Variants in DSCAML1 observed in about 807,000 individuals in gnomAD.
DSCAML1 encodes the protein cell adhesion molecule DSCAML1.
In DSCAML1, 38 loss-of-function variants were observed where a neutral mutation model predicts 200.5. That is an observed-to-expected ratio of 0.19 (90% CI 0.15 to 0.25). The LOEUF (loss-of-function observed/expected upper bound fraction) is 0.25. DSCAML1 is among the 10% of genes least tolerant of loss of function. DSCAML1 has a pLI of 1.00. For synonymous variants in DSCAML1, 1,215 were observed against 1,165.0 expected (o/e 1.04, Z -0.87); for missense variants, 2,223 against 2,858.8 (o/e 0.78, Z 5.07).
chr11:117,495,554 G>A (rs567502824), intron 11 of DSCAML1, among the ~76,000 whole-genome samples: 1 of 152,238 alleles, frequency 6.6e-6, no homozygotes, highest in African/African-American at 2.4e-5. Context: ...CGAGTCATGA[G>A]TCACTTTAGC....
At chr11:117,810,828 T>C (rs2055754743) in intron 1 of DSCAML1, among the ~76,000 whole-genome samples, 1 of 152,190 alleles carries the variant, frequency 6.6e-6, no homozygotes, top group African/African-American at 2.4e-5. Flanking sequence ...CATCAGTCCC[T>C]TCCTAGTCTC....
intron 31 of DSCAML1, 64 bp downstream of exon 31, chr11:117,431,470 G>A: frequency 2.1e-6 from 3 of 1,421,512 alleles, no homozygotes; most frequent in Non-Finnish European, 2.8e-6. Flanking sequence ...AGAATAGAAG[G>A]TGAAGGTGAA....
At position 117,471,855 on chromosome 11, in the gene DSCAML1, G is replaced by A; in HGVS notation, c.2953+14C>T. 6.6e-7 allele frequency: 1 copy of A among 1,507,106 alleles called. No individual in the cohort carries two copies. The highest frequency in any genetic ancestry group is 1.3e-5 in the South Asian group (1 of 76,664). The allele number at this position is 1,507,106 out of a possible 1,614,324, so 93.4% of individuals were successfully genotyped here. On this transcript the variant is annotated intron_variant, in intron 15 of 32. Transcript: ENST00000651296. ...CTGAGGCCATGGGCAGGGCAGGCTG[G>A]GTGAGGTGCTCACCGGCCTCCTCAG... is the stretch of plus-strand genomic sequence containing the variant.
rs1263773609 is a variant in DSCAML1, at chr11:117,489,209, G to A, written c.2360-7047C>T. The stretch of plus-strand genomic sequence containing the variant: ...GTCACCAAAAAGCTGTGGCCTCTGC[G>A]GCGGGGCAGCTGCAGCAGGTACTCC... On this transcript the variant is annotated intron_variant, in intron 11 of 32. Transcript: ENST00000651296. The surrounding 1 kb of genome is among the most constrained non-coding windows in gnomAD (Gnocchi z 4.8). Among the ~76,000 whole-genome samples the A allele has an allele frequency of 2.0e-5, 3 of 152,190 alleles. No homozygotes were observed. The highest frequency in any genetic ancestry group is 2.4e-5 in the African/African-American group (1 of 41,426).
rs2050100413 is a variant in DSCAML1 at position 117,532,457 on chromosome 11, G to C, written c.577C>G (p.Leu193Val). 6.2e-7 allele frequency: 1 copy of C among 1,614,208 alleles called. No homozygotes were observed. The highest frequency in any genetic ancestry group is 8.5e-7 in the Non-Finnish European group (1 of 1,180,044). The change falls in exon 4 of 33, where the codon CTC (leucine) becomes GTC (valine). Residue 193 changes from leucine to valine, a missense_variant. By Grantham distance (32) the Leu-to-Val change is conservative. Coordinates refer to ENST00000651296, the MANE Select transcript of DSCAML1 (RefSeq NM_020693.4). ...YISDVQKEDA[L>V]STYRCITKHK... The stretch of plus-strand genomic sequence containing the variant: ...TTGGTGATGCAGCGATAGGTGGAGA[G>C]GGCGTCCTCCTTCTGTACGTCAGAG...
rs2050367538 is a variant in DSCAML1 at position 117,546,033 on chromosome 11, AC to A, written c.512-13512del. ...TCGGCTATGCGAACTTGTGCGAGGC[AC>A]GCAGAGCCAGAAGCTTTGGCCTGCC... On this transcript the variant is annotated intron_variant, in intron 3 of 32. Coordinates refer to ENST00000651296, the MANE Select transcript of DSCAML1 (RefSeq NM_020693.4). Among the ~76,000 whole-genome samples, 10 of 152,362 alleles carry A rather than the reference AC, an allele frequency of 6.6e-5. No individual in the cohort carries two copies. In the South Asian group the frequency reaches 2.1e-3, roughly 32 times the overall value.
chr11:117,443,253 T>C (rs2048106349), intron 21 of DSCAML1, among the ~76,000 whole-genome samples: 1 of 152,152 alleles, frequency 6.6e-6, no homozygotes, highest in Non-Finnish European at 1.5e-5. Context: ...GCGCGGCTGC[T>C]ACAGCTTGCC....
At chr11:117,728,481 G>A (rs1380978749) in intron 3 of DSCAML1, among the ~76,000 whole-genome samples, 1 of 152,108 alleles carries the variant, frequency 6.6e-6, no homozygotes, top group Non-Finnish European at 1.5e-5. Context: ...AGATTGAAAA[G>A]GAAGAAGTAA....
At chr11:117,529,581 C>T (rs1374906012) in intron 4 of DSCAML1, among the ~76,000 whole-genome samples, 2 of 152,142 alleles carry the variant, frequency 1.3e-5, no homozygotes, top group Admixed American at 6.5e-5. Context: ...TTATCTCTCC[C>T]CACCCCCAGC....
At chr11:117,612,338 A>G (rs1297800070) in intron 3 of DSCAML1, among the ~76,000 whole-genome samples, 1 of 152,202 alleles carries the variant, frequency 6.6e-6, no homozygotes, top group Admixed American at 6.5e-5. Flanking sequence ...TCATCAGACA[A>G]GTCAGATGTT....
At chr11:117,442,631 G>C (rs2048092021) in intron 21 of DSCAML1, among the ~76,000 whole-genome samples, 1 of 152,128 alleles carries the variant, frequency 6.6e-6, no homozygotes, top group African/African-American at 2.4e-5. Context: ...CTCTAGGACC[G>C]TGTTTATTTA....
intron 16 of DSCAML1, among the ~76,000 whole-genome samples, chr11:117,466,515 C>T (rs1346589209): frequency 1.3e-5 from 2 of 152,148 alleles, no homozygotes; most frequent in Non-Finnish European, 2.9e-5. Context: ...GTCTGGCCAA[C>T]ATGGTGAAAC....
chr11:117,808,410 C>T (rs2055726863), intron 1 of DSCAML1, among the ~76,000 whole-genome samples: 1 of 152,118 alleles, frequency 6.6e-6, no homozygotes, highest in Non-Finnish European at 1.5e-5. Context: ...GGCGCATGCC[C>T]GAAGCCCCTG....
chr11:117,623,805 G>C (rs2137555927), intron 3 of DSCAML1, among the ~76,000 whole-genome samples: 1 of 152,278 alleles, frequency 6.6e-6, no homozygotes, highest in East Asian at 1.9e-4. Flanking sequence ...CAATAGACGA[G>C]GTAGCCCAAG....
At chr11:117,672,618 A>G in intron 3 of DSCAML1, among the ~76,000 whole-genome samples, 1 of 152,188 alleles carries the variant, frequency 6.6e-6, no homozygotes, top group East Asian at 1.9e-4. Context: ...GGGCGAGCCT[A>G]TGAGTGGGCA....
intron 3 of DSCAML1, among the ~76,000 whole-genome samples, chr11:117,532,849 G>T (rs1486079592): frequency 6.6e-6 from 1 of 152,098 alleles, no homozygotes; most frequent in Non-Finnish European, 1.5e-5. Context: ...ATGGGGCCAG[G>T]TGTGGTGGCT....
Position 117,475,097 on chromosome 11 carries a change from C to G in DSCAML1, c.2786-3061G>C, listed in dbSNP as rs1260459999. On this transcript the variant is annotated intron_variant, in intron 14 of 32. Coordinates refer to ENST00000651296, the MANE Select transcript of DSCAML1 (RefSeq NM_020693.4). ...TCCTTCCGCTTCCCTCCATCCCCAT[C>G]TCTACCTCAGGCTTAGCCACTGTCA... is the stretch of plus-strand genomic sequence containing the variant. Among the ~76,000 whole-genome samples, 4 of 152,102 alleles carry G rather than the reference C, an allele frequency of 2.6e-5. No homozygotes were observed. The East Asian group carries it at 7.7e-4, about 29-fold the overall frequency.
In DSCAML1 at chr11:117,619,204, G is replaced by A. The variant is rs79987854; in HGVS notation, c.512-86682C>T. Among the ~76,000 whole-genome samples, 1,143 of 152,360 alleles carry A rather than the reference G, an allele frequency of 7.5e-3. 9 individuals are homozygous for A. Among genetic ancestry groups the A allele is most frequent in the African/African-American group, 0.023 (950 of 41,584 alleles). On this transcript the variant is annotated intron_variant, in intron 3 of 32. Coordinates refer to ENST00000651296, the MANE Select transcript of DSCAML1 (RefSeq NM_020693.4). The stretch of plus-strand genomic sequence containing the variant: ...AGTGACTCTACTCCAGCCCCTGGTG[G>A]CTGGTCTCAGGCTTTCTCTATCCAA...
In DSCAML1 at chr11:117,437,175, C is replaced by G. The variant is rs1056232563; in HGVS notation, c.4667G>C (p.Ser1556Thr). 1 of 1,614,224 alleles carries G rather than the reference C, an allele frequency of 6.2e-7. No individual in the cohort carries two copies. The highest frequency in any genetic ancestry group is 1.7e-5 in the Admixed American group (1 of 60,030). ...GGCTGTTTCATTGCCGCAGCCCGCA[C>G]TGTTGCAAGCCCTCATGCGCAGCTC... is the stretch of plus-strand genomic sequence containing the variant. Reference protein sequence around the residue: ...WYELRMRACNSAGCGNETAQF... With the variant: ...WYELRMRACNTAGCGNETAQF... The change falls in exon 26 of 33, where the codon AGT becomes ACT. Residue 1556 changes from serine (S) to threonine (T), a missense_variant. Ser to Thr is a moderately conservative substitution (Grantham distance 58, BLOSUM62 1). Coordinates refer to ENST00000651296, the MANE Select transcript of DSCAML1 (RefSeq NM_020693.4). This position sits in a 1 kb window ranked among gnomAD's most constrained non-coding sequence, Gnocchi z 5.3.
Sources: allele counts gnomAD v4.1 joint callset (sites outside exome capture counted in the v4.1 genomes callset), GRCh38; gene constraint gnomAD v4.1.1; non-coding constraint Gnocchi (gnomAD v3.1); transcripts MANE v1.5; gene names NCBI Gene and HGNC (gene_info 2026-07-23, HGNC 2026-07-21).